The following KYAT1 variants were observed in gnomAD, a reference collection of about 807,000 sequenced individuals.
KYAT1 encodes the protein kynurenine aminotransferase 1.
In KYAT1, 47 loss-of-function variants were observed where a neutral mutation model predicts 52.4. The ratio of observed to expected loss-of-function variants is 0.90; its 90% CI spans 0.71 to 1.14. KYAT1 has a LOEUF of 1.14. Ranked by LOEUF, KYAT1 falls within the 50% of genes most tolerant of loss-of-function variation. The pLI is 0.00. For missense variants in KYAT1, 480 were observed against 557.9 expected (o/e 0.86, Z 1.41); for synonymous variants, 212 against 209.6 (o/e 1.01, Z -0.10).
chr9:128,841,336 C>G (rs1430966210), intron 3 of KYAT1, among the ~76,000 whole-genome samples: 1 of 152,130 alleles, frequency 6.6e-6, no homozygotes, highest in Non-Finnish European at 1.5e-5. Context: ...AACCCCGTCT[C>G]TACTAAAAAT....
At chr9:128,878,095 T>G (rs542385745) in intron 1 of KYAT1, among the ~76,000 whole-genome samples, 1 of 151,996 alleles carries the variant, frequency 6.6e-6, no homozygotes, top group Non-Finnish European at 1.5e-5. Flanking sequence ...GAATATACTG[T>G]GGGTCCTGGC....
At chr9:128,838,705 C>G (rs548369369) in intron 3 of KYAT1, among the ~76,000 whole-genome samples, 1 of 152,312 alleles carries the variant, frequency 6.6e-6, no homozygotes, top group Non-Finnish European at 1.5e-5. Context: ...ACTCAGATAT[C>G]CAGTGCTAAG....
Position 128,842,713 on chromosome 9 carries a change from C to T in KYAT1, c.142G>A (p.Glu48Lys). Residue 48 changes from glutamate (E) to lysine (K), a missense_variant, in exon 3 of 13, where the codon GAA becomes AAA. Transcript: ENST00000302586. ...PDFPPPDFAV[E>K]AFQHAVSGDF... Reference sequence around the variant, plus strand: ...CCACTGACAGCGTGCTGAAAGGCTTCCACGGCAAAGTCTGGTGGTGGGAAA... The same window carrying T: ...CCACTGACAGCGTGCTGAAAGGCTTTCACGGCAAAGTCTGGTGGTGGGAAA... 6.2e-7 allele frequency: 1 copy of T among 1,614,216 alleles called. No individual in the cohort carries two copies. The highest frequency in any genetic ancestry group is 8.5e-7 in the Non-Finnish European group (1 of 1,180,024).
intron 1 of KYAT1, among the ~76,000 whole-genome samples, chr9:128,851,198 C>T (rs957475325): frequency 3.9e-5 from 6 of 152,252 alleles, no homozygotes; most frequent in African/African-American, 1.2e-4. Flanking sequence ...TCCCACCTGA[C>T]GAGATATCCC....
chr9:128,880,227 A>C (rs1408137067), intron 1 of KYAT1, among the ~76,000 whole-genome samples: 1 of 152,110 alleles, frequency 6.6e-6, no homozygotes, highest in Non-Finnish European at 1.5e-5. Flanking sequence ...CAAGCCCTGG[A>C]CTTTAAGCCT....
intron 1 of KYAT1, among the ~76,000 whole-genome samples, chr9:128,849,670 AC>A (rs1833651288): frequency 6.8e-6 from 1 of 146,994 alleles, no homozygotes; most frequent in Non-Finnish European, 1.5e-5. Flanking sequence ...GGTGGTTGGC[AC>A]CTGTAATCCC....
chr9:128,877,895 A>G (rs1838267612), intron 1 of KYAT1, among the ~76,000 whole-genome samples: 1 of 152,210 alleles, frequency 6.6e-6, no homozygotes, highest in African/African-American at 2.4e-5. Flanking sequence ...AAGGGTACAG[A>G]ACTGGGGATA....
intron 3 of KYAT1, among the ~76,000 whole-genome samples, chr9:128,840,902 T>C (rs570179746): frequency 3.0e-4 from 46 of 152,354 alleles, no homozygotes; most frequent in African/African-American, 1.1e-3. Context: ...CTTTTGCTAG[T>C]TTTACCTCCA....
At chr9:128,879,240 G>A (rs183796452) in intron 1 of KYAT1, among the ~76,000 whole-genome samples, 1 of 152,236 alleles carries the variant, frequency 6.6e-6, no homozygotes, top group East Asian at 1.9e-4. Context: ...AACCCGGGAG[G>A]TGGAGCTTGC....
Position 128,832,943 on chromosome 9 carries a change from TA to T in KYAT1, c.*640del. The T allele has an allele frequency of 7.3e-6, 1 of 136,924 alleles. No individual in the cohort carries two copies. The highest frequency in any genetic ancestry group is 2.9e-5 in the African/African-American group (1 of 34,944). 8.5% of individuals were successfully genotyped at this position (136,924 alleles called of 1,614,324 possible). A position where few individuals can be genotyped will look rare whatever the true frequency, so the allele number is the denominator to read the frequency against. On this transcript the variant is annotated 3_prime_UTR_variant, in exon 13 of 13. Coordinates refer to ENST00000302586, the MANE Select transcript of KYAT1 (RefSeq NM_004059.5). ...CAACAACAACAACAACAACAAAGAT[TA>T]ATAGTGAGGAATTCATTTGAGGGCC...
chr9:128,873,293 C>T (rs1259005417), intron 1 of KYAT1, among the ~76,000 whole-genome samples: 2 of 148,094 alleles, frequency 1.4e-5, no homozygotes, highest in Non-Finnish European at 3.0e-5. Flanking sequence ...GACTGGAGCC[C>T]GGGAATTGGA....
At chr9:128,849,329 G>A (rs1185925537) in intron 1 of KYAT1, among the ~76,000 whole-genome samples, 20 of 141,324 alleles carry the variant, frequency 1.4e-4, no homozygotes, top group Non-Finnish European at 2.3e-4. Context: ...GAGAATCGCT[G>A]GAACCCAGGA....
At chr9:128,877,832 T>C (rs557423431) in intron 1 of KYAT1, among the ~76,000 whole-genome samples, 1 of 152,322 alleles carries the variant, frequency 6.6e-6, no homozygotes, top group South Asian at 2.1e-4. Flanking sequence ...GGGCTTAAAA[T>C]GCCAGGAGAC....
chr9:128,879,329 A>C (rs1351294100), intron 1 of KYAT1, among the ~76,000 whole-genome samples: 1 of 151,764 alleles, frequency 6.6e-6, no homozygotes, highest in Non-Finnish European at 1.5e-5. Flanking sequence ...AAAAGGAATT[A>C]TGCAGGGAAC....
intron 3 of KYAT1, chr9:128,842,098 G>A: frequency 2.8e-6 from 1 of 354,802 alleles, no homozygotes; most frequent in Admixed American, 2.8e-5. Context: ...AGGCTGAGGT[G>A]GGAGGACCAC....
At chr9:128,866,079 C>T (rs935134058) in intron 1 of KYAT1, among the ~76,000 whole-genome samples, 13 of 152,162 alleles carry the variant, frequency 8.5e-5, no homozygotes, top group Non-Finnish European at 8.8e-5. Flanking sequence ...CAGTGAATTC[C>T]TATTATGTGC....
Position 128,836,207 on chromosome 9 carries a change from A to T in KYAT1, c.689-134T>A. The T allele has an allele frequency of 1.0e-5, 6 of 574,924 alleles. No homozygotes were observed. In the South Asian group the frequency reaches 1.2e-4, roughly 12 times the overall value. The allele number at this position is 574,924 out of a possible 1,614,324, so 35.6% of individuals were successfully genotyped here. Reference sequence around the variant, plus strand: ...CTCTACATACTAAGTTATTTGCACAATTTTTTTTCTTTCTTTCTTCCTTTC... The same window carrying T: ...CTCTACATACTAAGTTATTTGCACATTTTTTTTTCTTTCTTTCTTCCTTTC... On this transcript the variant is annotated intron_variant, in intron 7 of 12. Coordinates refer to ENST00000302586, the MANE Select transcript of KYAT1 (RefSeq NM_004059.5).
chr9:128,876,718 CTTT>C (rs768971202), intron 1 of KYAT1, among the ~76,000 whole-genome samples: 1 of 136,932 alleles, frequency 7.3e-6, no homozygotes, highest in Non-Finnish European at 1.6e-5. Context: ...GGCACCCGGC[CTTT>C]TTTTTTTTTT....
chr9:128,851,822 A>C (rs1833989352), intron 1 of KYAT1, among the ~76,000 whole-genome samples: 1 of 152,214 alleles, frequency 6.6e-6, no homozygotes, highest in Non-Finnish European at 1.5e-5. Flanking sequence ...ACTACAATCA[A>C]TTACAGGAGG....
Sources: allele counts gnomAD v4.1 joint callset (sites outside exome capture counted in the v4.1 genomes callset), GRCh38; gene constraint gnomAD v4.1.1; transcripts MANE v1.5; gene names NCBI Gene and HGNC (gene_info 2026-07-23, HGNC 2026-07-21).